The following BIN3 variants were observed in gnomAD, a reference collection of about 807,000 sequenced individuals.
BIN3 encodes bridging integrator 3.
A neutral mutation model predicts 38.2 loss-of-function variants in BIN3; 41 were observed. The observed-to-expected ratio is 1.07, with a 90% CI of 0.84 to 1.39. The LOEUF is 1.39. BIN3 is among the 40% of genes most tolerant of loss of function. The pLI, the probability that BIN3 is intolerant of heterozygous loss-of-function variation, is 0.00. For missense variants in BIN3, 361 were observed against 324.3 expected (o/e 1.11, Z -0.87); for synonymous variants, 145 against 122.6 (o/e 1.18, Z -1.21).
chr8:22,635,863 T>C (rs1802350126), intron 4 of BIN3, among the ~76,000 whole-genome samples: 1 of 152,130 alleles, frequency 6.6e-6, no homozygotes, highest in Admixed American at 6.5e-5. Context: ...TCCTGGGACA[T>C]GGCCTGCAGC....
intron 1 of BIN3, among the ~76,000 whole-genome samples, chr8:22,658,599 G>T (rs1252415436): frequency 6.6e-6 from 1 of 152,194 alleles, no homozygotes. Flanking sequence ...AGTTGGGGAG[G>T]GATCCCCTGG....
chr8:22,660,408 C>CG (rs1803195835), intron 1 of BIN3, among the ~76,000 whole-genome samples: 1 of 152,238 alleles, frequency 6.6e-6, no homozygotes, highest in Non-Finnish European at 1.5e-5. Context: ...AGCACCAGAC[C>CG]GGCTGTTTAG....
chr8:22,629,934 C>A, intron 6 of BIN3, 30 bp downstream of exon 6: 1 of 1,585,056 alleles, frequency 6.3e-7, no homozygotes, highest in African/African-American at 1.3e-5. Context: ...CCCATAAGTG[C>A]CCCGAGGCCC....
At chr8:22,652,185 CTTTTT>C (rs1177689124) in intron 1 of BIN3, among the ~76,000 whole-genome samples, 4 of 151,310 alleles carry the variant, frequency 2.6e-5, no homozygotes, top group Non-Finnish European at 4.4e-5. Flanking sequence ...TGCTTTTTTT[CTTTTT>C]GTTTAGTCTT....
intron 7 of BIN3, 53 bp downstream of exon 7, chr8:22,624,169 G>A: frequency 6.3e-7 from 1 of 1,595,558 alleles, no homozygotes; most frequent in Middle Eastern, 1.7e-4. Flanking sequence ...CTTACCACAG[G>A]TGACCACGAT....
chr8:22,624,357 G>A lies in BIN3; in HGVS notation c.345C>T (p.Gly115=). Residue 115 remains glycine, a synonymous_variant, in exon 7 of 9, where the codon GGC becomes GGT. Coordinates refer to ENST00000276416, the MANE Select transcript of BIN3 (RefSeq NM_018688.6). ...KTVIEPLKKF[G]SVFPSLNMAV... is the part of the protein sequence containing the mutation. ...CCATGTTGAGGCTCGGGAAGACACT[G>A]CCGAACCTGTGGGACAAGCTGGCTG... 5 of 1,612,470 alleles carry A rather than the reference G, an allele frequency of 3.1e-6. No individual in the cohort carries two copies. The highest frequency in any genetic ancestry group is 4.2e-6 in the Non-Finnish European group (5 of 1,179,044).
intron 1 of BIN3, among the ~76,000 whole-genome samples, chr8:22,647,829 TAAAG>T (rs1320762318): frequency 1.3e-5 from 2 of 152,168 alleles, no homozygotes; most frequent in East Asian, 3.9e-4. Context: ...TAAAAAGTTT[TAAAG>T]AAAAACTGTG....
chr8:22,646,010 A>G (rs955022900), intron 1 of BIN3, among the ~76,000 whole-genome samples: 1 of 152,200 alleles, frequency 6.6e-6, no homozygotes. Context: ...TGGGTCTAGG[A>G]GTCTCAACCT....
Position 22,630,425 on chromosome 8 carries a change from C to T in BIN3, c.297+17G>A. On this transcript the variant is annotated intron_variant, in intron 5 of 8. Coordinates refer to ENST00000276416, the MANE Select transcript of BIN3 (RefSeq NM_018688.6). The stretch of plus-strand genomic sequence containing the variant: ...GCAGAAGTCATGCTTGCCCACCCCA[C>T]ACCAAGACCTAGTCACCTTTTCCTG... 4 of 1,613,532 alleles carry T rather than the reference C, an allele frequency of 2.5e-6. No homozygotes were observed. Among genetic ancestry groups the T allele is most frequent in the Non-Finnish European group, 3.4e-6 (4 of 1,179,634 alleles).
In BIN3 at chr8:22,646,485, A is replaced by G. The variant is rs562361682; in HGVS notation, c.9-1682T>C. Among the ~76,000 whole-genome samples, 82 of 152,068 alleles carry G rather than the reference A, an allele frequency of 5.4e-4. 2 individuals are homozygous for G. The highest frequency in any genetic ancestry group is 1.9e-3 in the African/African-American group (79 of 41,472). ...GCTAAACCCAAGGGTGTAATTAACCACCGATAATGACCCCAAACAGTGATC... is the reference window on the plus strand; with the variant it reads ...GCTAAACCCAAGGGTGTAATTAACCGCCGATAATGACCCCAAACAGTGATC... On this transcript the variant is annotated intron_variant, in intron 1 of 8. Coordinates refer to ENST00000276416, the MANE Select transcript of BIN3 (RefSeq NM_018688.6).
At chr8:22,662,254 T>C (rs1481797972) in intron 1 of BIN3, among the ~76,000 whole-genome samples, 1 of 152,214 alleles carries the variant, frequency 6.6e-6, no homozygotes, top group Non-Finnish European at 1.5e-5. Context: ...CTGTTCCAAC[T>C]CCAAAATCTC....
At chr8:22,644,931 AC>A in intron 1 of BIN3, 128 bp from the exon 2 acceptor site, 1 of 775,532 alleles carries the variant, frequency 1.3e-6, no homozygotes, top group Non-Finnish European at 2.2e-6. Context: ...TGCTACTTGG[AC>A]CATGTGCCCT....
chr8:22,646,697 G>T (rs900056318), intron 1 of BIN3, among the ~76,000 whole-genome samples: 3 of 152,192 alleles, frequency 2.0e-5, no homozygotes, highest in African/African-American at 4.8e-5. Flanking sequence ...GTAAGGTCTG[G>T]AAATGAAAAG....
chr8:22,662,546 C>T (rs912887837), intron 1 of BIN3, among the ~76,000 whole-genome samples: 2 of 152,080 alleles, frequency 1.3e-5, no homozygotes, highest in Admixed American at 6.5e-5. Context: ...GCTGCCCCTT[C>T]TGTTATTTTT....
At chr8:22,661,635 G>A (rs1803240901) in intron 1 of BIN3, among the ~76,000 whole-genome samples, 1 of 151,730 alleles carries the variant, frequency 6.6e-6, no homozygotes, top group South Asian at 2.1e-4. Flanking sequence ...TGGGATTACA[G>A]GTGTCAGCCA....
chr8:22,644,980 AAGAG>A, intron 1 of BIN3, 177 bp from the exon 2 acceptor site: 1 of 572,344 alleles, frequency 1.7e-6, no homozygotes, highest in Non-Finnish European at 3.2e-6. Context: ...GCTTGGTTCT[AAGAG>A]AGAGATAGGT....
At chr8:22,651,574 G>A (rs937114573) in intron 1 of BIN3, among the ~76,000 whole-genome samples, 1 of 152,172 alleles carries the variant, frequency 6.6e-6, no homozygotes, top group Admixed American at 6.5e-5. Context: ...GCTAATTTGG[G>A]CATAGAATTA....
intron 6 of BIN3, chr8:22,629,738 G>C: frequency 1.7e-6 from 1 of 581,558 alleles, no homozygotes; most frequent in Non-Finnish European, 3.1e-6. Flanking sequence ...GAAGGGGGTG[G>C]TGGCAGGGGT....
chr8:22,621,402 C>A lies in BIN3; in HGVS notation c.*20G>T, dbSNP rs760381282. ...ATGAGGCTGACCACGTCACAGGAGT[C>A]CTCCAAGAGTGACGGGGATTCAGTC... On this transcript the variant is annotated 3_prime_UTR_variant, in exon 9 of 9. Coordinates refer to ENST00000276416, the MANE Select transcript of BIN3 (RefSeq NM_018688.6). 27 of 1,607,968 alleles carry A rather than the reference C, an allele frequency of 1.7e-5. No individual in the cohort carries two copies. The highest frequency in any genetic ancestry group is 2.2e-5 in the Non-Finnish European group (26 of 1,177,224).
Sources: allele counts gnomAD v4.1 joint callset (sites outside exome capture counted in the v4.1 genomes callset), GRCh38; gene constraint gnomAD v4.1.1; transcripts MANE v1.5; gene names NCBI Gene and HGNC (gene_info 2026-07-23, HGNC 2026-07-21).